The following PHLPP1 variants were observed in gnomAD, a reference collection of about 807,000 sequenced individuals.
The protein encoded by PHLPP1 is PH domain leucine-rich repeat-containing protein phosphatase 1.
In PHLPP1, 42 loss-of-function variants were observed where a neutral mutation model predicts 117.2. The ratio of observed to expected loss-of-function variants is 0.36; its 90% CI spans 0.28 to 0.46. The LOEUF is 0.46. Ranked by LOEUF, PHLPP1 falls within the 20% of genes least tolerant of loss-of-function variation. The pLI is 1.00. For synonymous variants in PHLPP1, 1,042 were observed against 970.7 expected, an observed-to-expected ratio of 1.07 and a Z score of -1.37; for missense variants, 2,084 against 2,241.9, an observed-to-expected ratio of 0.93 and a Z score of 1.42.
At chr18:62,724,798 A>G (rs2122050740) in intron 1 of PHLPP1, among the ~76,000 whole-genome samples, 1 of 152,268 alleles carries the variant, frequency 6.6e-6, no homozygotes, top group East Asian at 1.9e-4. Flanking sequence ...TAAGAAAGGA[A>G]CTTCTGATGG....
intron 3 of PHLPP1, among the ~76,000 whole-genome samples, chr18:62,847,671 T>G (rs1915217029): frequency 6.6e-6 from 1 of 152,208 alleles, no homozygotes; most frequent in South Asian, 2.1e-4. Context: ...TACCAGTTAT[T>G]TGACATTTTC....
intron 10 of PHLPP1, among the ~76,000 whole-genome samples, chr18:62,932,200 AG>A (rs1909835594): frequency 6.6e-6 from 1 of 152,220 alleles, no homozygotes; most frequent in African/African-American, 2.4e-5. Context: ...ATGACAAAGA[AG>A]GGCTGGTACC....
At chr18:62,728,697 C>T (rs62098617) in intron 1 of PHLPP1, among the ~76,000 whole-genome samples, 44 of 152,086 alleles carry the variant, frequency 2.9e-4, no homozygotes, top group Non-Finnish European at 4.7e-4. Context: ...TCAGTAGAGA[C>T]GGTGTTTCAC....
chr18:62,747,530 C>T (rs949568247), intron 1 of PHLPP1, among the ~76,000 whole-genome samples: 2 of 151,856 alleles, frequency 1.3e-5, no homozygotes, highest in Admixed American at 6.6e-5. Flanking sequence ...CCCCTTCCTT[C>T]GCTTCCTTCT....
At chr18:62,872,660 C>T (rs553478973) in intron 4 of PHLPP1, among the ~76,000 whole-genome samples, 1 of 151,058 alleles carries the variant, frequency 6.6e-6, no homozygotes. Flanking sequence ...CCACTGGACT[C>T]TAGCCTGGGG....
At chr18:62,736,282 G>C (rs1317520791) in intron 1 of PHLPP1, among the ~76,000 whole-genome samples, 1 of 152,116 alleles carries the variant, frequency 6.6e-6, no homozygotes, top group African/African-American at 2.4e-5. Flanking sequence ...CTGCATAATC[G>C]GCATTTTAAC....
At chr18:62,885,039 G>A (rs1219517896) in intron 4 of PHLPP1, among the ~76,000 whole-genome samples, 1 of 152,104 alleles carries the variant, frequency 6.6e-6, no homozygotes. Context: ...AGCATATATA[G>A]CCATTCCCTG....
intron 4 of PHLPP1, among the ~76,000 whole-genome samples, chr18:62,879,608 C>T (rs573204349): frequency 2.6e-5 from 4 of 152,194 alleles, no homozygotes; most frequent in African/African-American, 9.6e-5. Context: ...ACAGGGTTCA[C>T]CGTGTTAGTC....
intron 1 of PHLPP1, among the ~76,000 whole-genome samples, chr18:62,819,702 A>G (rs778108963): frequency 2.6e-5 from 4 of 152,134 alleles, no homozygotes; most frequent in Non-Finnish European, 4.4e-5. Context: ...CTGGAGTGCA[A>G]TGGTGCAATC....
intron 9 of PHLPP1, among the ~76,000 whole-genome samples, chr18:62,915,995 A>G (rs971478531): frequency 6.6e-6 from 1 of 152,228 alleles, no homozygotes; most frequent in Admixed American, 6.5e-5. Context: ...TGAAAATATT[A>G]TAGAAGTATG....
At position 62,934,191 on chromosome 18, in the gene PHLPP1, A is replaced by T. The variant is rs1599129129; in HGVS notation, c.2961-7527A>T. ...TCAAAGAGCTAAAAATAGAAATATCATTCCACCCAGCAATCACACTACTGA... is the reference window on the plus strand; with the variant it reads ...TCAAAGAGCTAAAAATAGAAATATCTTTCCACCCAGCAATCACACTACTGA... On this transcript the variant is annotated intron_variant, in intron 10 of 16. Transcript: ENST00000262719. Among the ~76,000 whole-genome samples, 4 of 152,250 alleles carry T rather than the reference A, an allele frequency of 2.6e-5. No individual in the cohort carries two copies. In the East Asian group the frequency reaches 7.7e-4, roughly 29 times the overall value.
intron 1 of PHLPP1, among the ~76,000 whole-genome samples, chr18:62,723,235 G>A (rs1910975721): frequency 6.6e-6 from 1 of 152,146 alleles, no homozygotes; most frequent in Non-Finnish European, 1.5e-5. Flanking sequence ...TATGATTTTG[G>A]AGATATCAAT....
Position 62,895,118 on chromosome 18 carries a change from C to T in PHLPP1, c.2174C>T (p.Ala725Val), listed in dbSNP as rs766558986. Residue 725 changes from alanine (A) to valine (V), a missense_variant, in exon 5 of 17, where the codon GCC (alanine) becomes GTC (valine). Ala to Val is a moderately conservative substitution (Grantham distance 64). Around this residue, in one of 2 missense-constraint regions of PHLPP1, gnomAD observed 1,365 missense variants for 1,605.9 expected, o/e 0.85. Transcript: ENST00000262719. ...TLAELNVSCN[A>V]LRSVPAAVGV... is the part of the protein sequence containing the mutation. ...GCAGAGCTGAACGTGTCCTGCAATGCCCTGCGATCAGTCCCGGCAGCCGTT... is the reference window on the plus strand; with the variant it reads ...GCAGAGCTGAACGTGTCCTGCAATGTCCTGCGATCAGTCCCGGCAGCCGTT... 1.9e-6 allele frequency: 3 copies of T among 1,613,980 alleles called. No individual in the cohort carries two copies. Among genetic ancestry groups the T allele is most frequent in the East Asian group, 4.5e-5 (2 of 44,880 alleles).
At position 62,975,127 on chromosome 18, in the gene PHLPP1, C is replaced by T. The variant is rs145766045; in HGVS notation, c.3756-270C>T. Among the ~76,000 whole-genome samples, 33 of 152,284 alleles carry T rather than the reference C, an allele frequency of 2.2e-4. No homozygotes were observed. The East Asian group carries it at 2.5e-3, about 12-fold the overall frequency. On this transcript the variant is annotated intron_variant, in intron 15 of 16. Transcript: ENST00000262719. ...CTGTACACAGCAGCCCAGGGGCACC[C>T]GCCTTCCAGAGCAGCACCTGTGGCT...
intron 2 of PHLPP1, chr18:62,838,416 T>C (rs1914965178): frequency 1.2e-5 from 2 of 166,354 alleles, no homozygotes; most frequent in Admixed American, 1.2e-4. Flanking sequence ...TTTAATATGC[T>C]TGAAGACTTC....
At chr18:62,972,091 A>G (rs935977952) in intron 14 of PHLPP1, among the ~76,000 whole-genome samples, 6 of 152,116 alleles carry the variant, frequency 3.9e-5, no homozygotes, top group Non-Finnish European at 1.5e-5. Context: ...CTTTTTCTGT[A>G]TTTGTACATG....
intron 1 of PHLPP1, among the ~76,000 whole-genome samples, chr18:62,785,168 T>C (rs923106413): frequency 6.6e-6 from 1 of 152,200 alleles, no homozygotes; most frequent in Non-Finnish European, 1.5e-5. Context: ...CTCAGAGATA[T>C]TCAGTGCTTC....
chr18:62,847,938 A>G lies in PHLPP1; in HGVS notation c.1899+9029A>G, dbSNP rs183862907. On this transcript the variant is annotated intron_variant, in intron 3 of 16. Transcript: ENST00000262719. ...GCAAGAAAATTCGACTCCCTTTCCT[A>G]TTTAATAACCTCTCAATATTGTTGA... is the stretch of plus-strand genomic sequence containing the variant. 3.0e-3 allele frequency among the ~76,000 whole-genome samples: 456 copies of G among 152,244 alleles called. 2 individuals are homozygous for G. The highest frequency in any genetic ancestry group is 1.8e-3 in the Non-Finnish European group (121 of 68,018).
chr18:62,928,863 GTATGC>G (rs1909724349), intron 10 of PHLPP1, among the ~76,000 whole-genome samples: 1 of 152,192 alleles, frequency 6.6e-6, no homozygotes, highest in Non-Finnish European at 1.5e-5. Flanking sequence ...CCTGAAAGCA[GTATGC>G]TAAGTGAAAG....
Sources: allele counts gnomAD v4.1 joint callset (sites outside exome capture counted in the v4.1 genomes callset), GRCh38; gene constraint gnomAD v4.1.1; regional missense constraint gnomAD v4.1.1; transcripts MANE v1.5; gene names NCBI Gene and HGNC (gene_info 2026-07-23, HGNC 2026-07-21).